PCDH7: variants seen among roughly 807,000 people sequenced by gnomAD.
PCDH7 encodes the protein protocadherin 7, also known as protocadherin-7.
PCDH7 carries 17 observed loss-of-function variants against 58.9 expected under a neutral mutation model. The ratio of observed to expected loss-of-function variants is 0.29; its 90% confidence interval spans 0.20 to 0.43. The LOEUF is 0.43. PCDH7 is among the 20% of genes least tolerant of loss of function. PCDH7 has a pLI of 1.00. For missense variants in PCDH7, 1,274 were observed against 1,441.0 expected, an observed-to-expected ratio of 0.88 and a Z score of 1.88; for synonymous variants, 664 against 616.4, an observed-to-expected ratio of 1.08 and a Z score of -1.14.
chr4:30,764,967 C>T (rs1351514648), intron 1 of PCDH7, among the ~76,000 whole-genome samples: 1 of 151,926 alleles, frequency 6.6e-6, no homozygotes. Flanking sequence ...GATCTGCCCA[C>T]CTTGGCCTCC....
chr4:30,961,754 C>G (rs61792865), intron 3 of PCDH7, among the ~76,000 whole-genome samples: 1 of 152,122 alleles, frequency 6.6e-6, no homozygotes, highest in African/African-American at 2.4e-5. Context: ...TAAAACTTTT[C>G]TGTGGGTCTT....
chr4:30,792,816 T>C (rs1404539404), intron 1 of PCDH7, among the ~76,000 whole-genome samples: 1 of 152,116 alleles, frequency 6.6e-6, no homozygotes, highest in Non-Finnish European at 1.5e-5. Flanking sequence ...GTCAGACTTA[T>C]GAAAGAAGCA....
intron 3 of PCDH7, among the ~76,000 whole-genome samples, chr4:31,102,243 A>C (rs1174368203): frequency 6.6e-6 from 1 of 151,920 alleles, no homozygotes. Context: ...ATCCAAAGTA[A>C]TAATGTCACC....
chr4:30,852,518 G>A (rs944616017), intron 1 of PCDH7, among the ~76,000 whole-genome samples: 7 of 151,954 alleles, frequency 4.6e-5, no homozygotes, highest in African/African-American at 1.7e-4. Context: ...GTAGTCTTGA[G>A]TTATTAATAT....
chr4:30,742,897 T>C (rs1717268248), intron 1 of PCDH7, among the ~76,000 whole-genome samples: 1 of 152,184 alleles, frequency 6.6e-6, no homozygotes, highest in Admixed American at 6.5e-5. Context: ...GTGGTTACAA[T>C]CCTGGCTAGG....
intron 1 of PCDH7, among the ~76,000 whole-genome samples, chr4:30,818,193 A>G (rs535560182): frequency 1.1e-4 from 17 of 152,202 alleles, no homozygotes; most frequent in African/African-American, 3.9e-4. Flanking sequence ...CCTTCCTTCT[A>G]TACCCCAAAC....
At chr4:31,035,085 T>G (rs1054496941) in intron 3 of PCDH7, among the ~76,000 whole-genome samples, 4 of 152,162 alleles carry the variant, frequency 2.6e-5, no homozygotes, top group African/African-American at 4.8e-5. Context: ...CAGGTCACTT[T>G]TCATTGAATG....
At chr4:30,871,831 C>T (rs572069708) in intron 1 of PCDH7, among the ~76,000 whole-genome samples, 5 of 152,162 alleles carry the variant, frequency 3.3e-5, no homozygotes, top group Admixed American at 1.3e-4. Flanking sequence ...TTCGTCACCC[C>T]ATCCTTGCTG....
chr4:31,078,677 C>T (rs1759218817), intron 3 of PCDH7, among the ~76,000 whole-genome samples: 1 of 120,394 alleles, frequency 8.3e-6, no homozygotes, highest in Admixed American at 1.0e-4. Flanking sequence ...AATCAAACAT[C>T]CTAAATGTAA....
At chr4:30,933,343 A>C (rs1744921852) in intron 2 of PCDH7, among the ~76,000 whole-genome samples, 1 of 151,970 alleles carries the variant, frequency 6.6e-6, no homozygotes, top group Non-Finnish European at 1.5e-5. Flanking sequence ...CTTAATCCAC[A>C]CACTGAGGCC....
intron 1 of PCDH7, among the ~76,000 whole-genome samples, chr4:30,867,406 A>T (rs2109359142): frequency 6.6e-6 from 1 of 152,238 alleles, no homozygotes; most frequent in East Asian, 1.9e-4. Flanking sequence ...AATTATTTAC[A>T]ACATTTGTCC....
At chr4:31,002,880 C>T (rs966687750) in intron 3 of PCDH7, among the ~76,000 whole-genome samples, 7 of 152,190 alleles carry the variant, frequency 4.6e-5, no homozygotes, top group Non-Finnish European at 7.3e-5. Flanking sequence ...GAGATCATAG[C>T]TTGTGCTCAT....
At position 31,106,912 on chromosome 4, in the gene PCDH7, A is replaced by G. The variant is rs184533012; in HGVS notation, c.*8-35561A>G. ...ATGTTTAATAAAAGATGAGCATCTCATCCTTTCCTAATAATCCATTATGGT... is the reference window on the plus strand; with the variant it reads ...ATGTTTAATAAAAGATGAGCATCTCGTCCTTTCCTAATAATCCATTATGGT... On this transcript the variant is annotated intron_variant, in intron 3 of 3. Transcript: ENST00000509759. 2.4e-3 allele frequency among the ~76,000 whole-genome samples: 367 copies of G among 152,296 alleles called. 3 individuals are homozygous for G. Among genetic ancestry groups the G allele is most frequent in the Non-Finnish European group, 3.5e-3 (239 of 68,022 alleles).
intron 1 of PCDH7, among the ~76,000 whole-genome samples, chr4:30,813,932 GC>G (rs2109315764): frequency 6.6e-6 from 1 of 152,204 alleles, no homozygotes; most frequent in Non-Finnish European, 1.5e-5. Flanking sequence ...GAGCTACCGC[GC>G]CCAATCGGCT....
At chr4:30,859,922 G>T (rs1733983665) in intron 1 of PCDH7, among the ~76,000 whole-genome samples, 1 of 152,160 alleles carries the variant, frequency 6.6e-6, no homozygotes, top group Admixed American at 6.6e-5. Flanking sequence ...ACCTTGAACA[G>T]AAGTTCAGAA....
chr4:30,886,816 CTTTGCAGG>C, intron 1 of PCDH7, among the ~76,000 whole-genome samples: 1 of 150,556 alleles, frequency 6.6e-6, no homozygotes. Context: ...AGTTCATGTC[CTTTGCAGG>C]GACATGGATG....
At chr4:30,742,402 A>G (rs1560321334) in intron 1 of PCDH7, among the ~76,000 whole-genome samples, 1 of 152,188 alleles carries the variant, frequency 6.6e-6, no homozygotes, top group Admixed American at 6.5e-5. Context: ...TATTGCTGTT[A>G]ATAGGATAGC....
In PCDH7 at chr4:31,108,369, T is replaced by TAAAAAAAAAAA. The variant is rs71190491; in HGVS notation, c.*8-34074_*8-34064dup. 3.5e-4 allele frequency among the ~76,000 whole-genome samples: 21 copies of TAAAAAAAAAAA among 60,094 alleles called. 1 individual carries two copies. The highest frequency in any genetic ancestry group is 6.2e-4 in the African/African-American group (13 of 21,118). 39.4% of individuals were successfully genotyped at this position (60,094 alleles called of 152,430 possible). On this transcript the variant is annotated intron_variant, in intron 3 of 3. Coordinates refer to the PCDH7 transcript ENST00000509759. ...GTAGACTGTAACATACAGCATACAGTAAAAAAAAAAAAAAAAAAAAAAAAA... is the reference window on the plus strand; with the variant it reads ...GTAGACTGTAACATACAGCATACAGTAAAAAAAAAAAAAAAAAAAAAAAAAAAAAAAAAAAA...
intron 3 of PCDH7, among the ~76,000 whole-genome samples, chr4:31,050,655 A>G (rs1030450020): frequency 3.3e-5 from 5 of 152,152 alleles, no homozygotes; most frequent in Non-Finnish European, 7.3e-5. Context: ...AATGATATTT[A>G]TACTAAAGAG....
Sources: gnomAD v4.1 joint callset for allele counts (sites outside exome capture counted in the v4.1 genomes callset) on GRCh38, gnomAD v4.1.1 for gene constraint, MANE v1.5 for transcripts, NCBI Gene and HGNC (gene_info 2026-07-23, HGNC 2026-07-21) for gene names.